FNDC3B: variants seen among roughly 807,000 people sequenced by gnomAD.
FNDC3B encodes the protein fibronectin type III domain containing 3B, also known as fibronectin type III domain-containing protein 3B.
A neutral mutation model predicts 151.5 loss-of-function variants in FNDC3B; 12 were observed. The observed-to-expected ratio is 0.08, with a 90% CI of 0.05 to 0.13. FNDC3B has a LOEUF of 0.13. Among genes scored for constraint, FNDC3B ranks in the 10% least tolerant of loss-of-function variants. The probability of loss-of-function intolerance (pLI) is 1.00; values close to 1 mark genes in which losing one functional copy is unlikely to be tolerated. For synonymous variants in FNDC3B, 528 were observed against 549.0 expected (o/e 0.96, Z 0.54); for missense variants, 1,214 against 1,505.3 (o/e 0.81, Z 3.20).
intron 3 of FNDC3B, among the ~76,000 whole-genome samples, chr3:172,143,916 TAAATA>T (rs1430409245): frequency 7.3e-6 from 1 of 136,210 alleles, no homozygotes; most frequent in Non-Finnish European, 1.5e-5. Context: ...TCAAAATAAA[TAAATA>T]AATAAATAAA....
intron 24 of FNDC3B, among the ~76,000 whole-genome samples, chr3:172,380,191 G>C (rs1735366384): frequency 6.6e-6 from 1 of 151,766 alleles, no homozygotes; most frequent in African/African-American, 2.4e-5. Flanking sequence ...GTATAAGGGG[G>C]TTCAGACAGG....
At chr3:172,126,735 T>C (rs2108563095) in intron 2 of FNDC3B, among the ~76,000 whole-genome samples, 1 of 152,294 alleles carries the variant, frequency 6.6e-6, no homozygotes, top group Middle Eastern at 3.4e-3. Flanking sequence ...AGCTTGTGGG[T>C]CAGAAAACTG....
chr3:172,079,988 A>C (rs1481498216), intron 1 of FNDC3B, among the ~76,000 whole-genome samples: 2 of 152,216 alleles, frequency 1.3e-5, no homozygotes, highest in Admixed American at 6.5e-5. Flanking sequence ...TTAAATGCCC[A>C]GTCAAGAAAA....
At chr3:172,273,038 G>T (rs185433220) in intron 6 of FNDC3B, among the ~76,000 whole-genome samples, 66 of 152,210 alleles carry the variant, frequency 4.3e-4, no homozygotes, top group African/African-American at 1.5e-3. Flanking sequence ...GGGCAAGTAC[G>T]ATCGTTTAAT....
chr3:172,093,257 C>A (rs962469002), intron 1 of FNDC3B, among the ~76,000 whole-genome samples: 4 of 150,570 alleles, frequency 2.7e-5, no homozygotes, highest in Non-Finnish European at 5.9e-5. Flanking sequence ...CCCCACCCAG[C>A]TAATTTTTTT....
In FNDC3B at chr3:172,401,302, GCAGAGA is replaced by G. The variant is rs1441085573; in HGVS notation, c.*3831_*3836del. Reference sequence around the variant, plus strand: ...TTGGAGGCCAGGCAGGTGGCCTTCTGCAGAGACAGCAGCAGCTCAGCTCTTGCTGAC... The same window carrying G: ...TTGGAGGCCAGGCAGGTGGCCTTCTGCAGCAGCAGCTCAGCTCTTGCTGAC... On this transcript the variant is annotated 3_prime_UTR_variant, in exon 26 of 26. Coordinates refer to ENST00000415807, the MANE Select transcript of FNDC3B (RefSeq NM_022763.4). 1.3e-5 allele frequency: 2 copies of G among 152,226 alleles called. No individual in the cohort carries two copies. Among genetic ancestry groups the G allele is most frequent in the Admixed American group, 6.5e-5 (1 of 15,282 alleles). The allele number at this position is 152,226 out of a possible 1,614,324, so 9.4% of individuals were successfully genotyped here. A position where few individuals can be genotyped will look rare whatever the true frequency, so the allele number is the denominator to read the frequency against.
intron 23 of FNDC3B, among the ~76,000 whole-genome samples, chr3:172,367,252 A>G (rs985648616): frequency 2.7e-5 from 4 of 146,574 alleles, no homozygotes; most frequent in Admixed American, 1.4e-4. Flanking sequence ...TTCAATGATA[A>G]GATTATGATC....
At chr3:172,085,312 GGTTT>G (rs1197711996) in intron 1 of FNDC3B, among the ~76,000 whole-genome samples, 1 of 152,034 alleles carries the variant, frequency 6.6e-6, no homozygotes, top group African/African-American at 2.4e-5. Flanking sequence ...TAGCTTTTTT[GGTTT>G]GTTTGTTTTG....
At chr3:172,165,263 G>A (rs1722954591) in intron 3 of FNDC3B, among the ~76,000 whole-genome samples, 1 of 152,160 alleles carries the variant, frequency 6.6e-6, no homozygotes, top group Non-Finnish European at 1.5e-5. Flanking sequence ...TCCCACCTCA[G>A]CCTCCCAAAG....
At chr3:172,271,280 C>T (rs966245819) in intron 6 of FNDC3B, among the ~76,000 whole-genome samples, 4 of 152,170 alleles carry the variant, frequency 2.6e-5, no homozygotes, top group Non-Finnish European at 5.9e-5. Context: ...CTCTTGACTG[C>T]ATAGCAACAG....
intron 25 of FNDC3B, among the ~76,000 whole-genome samples, chr3:172,394,105 CT>C (rs1736153285): frequency 1.6e-4 from 1 of 6,228 alleles, no homozygotes; most frequent in African/African-American, 4.9e-4. Context: ...GAGACTCCTT[CT>C]AAAAAAAAAA....
chr3:172,245,956 G>A (rs552163273), intron 4 of FNDC3B, among the ~76,000 whole-genome samples: 16 of 152,098 alleles, frequency 1.1e-4, no homozygotes, highest in African/African-American at 3.6e-4. Flanking sequence ...ATTAATGGCC[G>A]TTCATTCAAT....
At chr3:172,230,809 G>A (rs7643618) in intron 4 of FNDC3B, among the ~76,000 whole-genome samples, 40,601 of 152,116 alleles carry the variant, frequency 0.27, 5,541 homozygotes, top group East Asian at 0.44. Context: ...CAAAAAGACA[G>A]TAACAAGTAT....
intron 6 of FNDC3B, among the ~76,000 whole-genome samples, 171 bp from the exon 7 acceptor site, chr3:172,285,755 A>G (rs1187388087): frequency 1.3e-5 from 2 of 152,218 alleles, no homozygotes; most frequent in Non-Finnish European, 2.9e-5. Context: ...TCCATTCCCC[A>G]ATGACACCTT....
Position 172,251,466 on chromosome 3 carries a change from G to C in FNDC3B, c.715G>C (p.Gly239Arg), listed in dbSNP as rs766722887. The C allele has an allele frequency of 5.0e-6, 8 of 1,613,970 alleles. No homozygotes were observed. The highest frequency in any genetic ancestry group is 8.5e-7 in the Non-Finnish European group (1 of 1,180,020). ...HSGGSGGGGS[G>R]SGPGIKKTER... is the part of the protein sequence containing the mutation. ...TGGTGGAAGTGGCGGAGGCGGCAGCGGTAGTGGTCCCGGAATTAAGAAAAC... is the reference window on the plus strand; with the variant it reads ...TGGTGGAAGTGGCGGAGGCGGCAGCCGTAGTGGTCCCGGAATTAAGAAAAC... Residue 239 changes from glycine to arginine, a missense_variant, in exon 6 of 26, where the codon GGT (glycine) becomes CGT (arginine). By Grantham distance (125) the Gly-to-Arg change is moderately radical. Transcript: ENST00000415807.
At chr3:172,379,274 C>G (rs1192559645) in intron 24 of FNDC3B, among the ~76,000 whole-genome samples, 1 of 152,236 alleles carries the variant, frequency 6.6e-6, no homozygotes, top group African/African-American at 2.4e-5. Flanking sequence ...TTTTAGGGGA[C>G]AGACAGCACA....
At chr3:172,054,642 G>A (rs1356198128) in intron 1 of FNDC3B, among the ~76,000 whole-genome samples, 2 of 152,168 alleles carry the variant, frequency 1.3e-5, no homozygotes, top group East Asian at 3.9e-4. Context: ...AGAATGGTGA[G>A]GACTGTTAGA....
intron 6 of FNDC3B, among the ~76,000 whole-genome samples, chr3:172,253,138 C>G (rs1728167836): frequency 6.6e-6 from 1 of 152,182 alleles, no homozygotes; most frequent in Middle Eastern, 3.2e-3. Context: ...TTGACTCATT[C>G]TTTAATAATT....
intron 1 of FNDC3B, among the ~76,000 whole-genome samples, chr3:172,075,655 G>A (rs1406942979): frequency 6.6e-6 from 1 of 151,230 alleles, no homozygotes; most frequent in Admixed American, 6.6e-5. Flanking sequence ...GGCTTCTATA[G>A]CACTATTTTT....
Sources: allele counts gnomAD v4.1 joint callset (sites outside exome capture counted in the v4.1 genomes callset), GRCh38; gene constraint gnomAD v4.1.1; transcripts MANE v1.5; gene names NCBI Gene and HGNC (gene_info 2026-07-23, HGNC 2026-07-21).